The following CORO7 variants were observed in gnomAD, a reference collection of about 807,000 sequenced individuals.
The protein encoded by CORO7 is coronin 7.
A neutral mutation model predicts 126.6 loss-of-function variants in CORO7; 107 were observed. The observed-to-expected ratio is 0.85, with a 90% CI of 0.72 to 0.99. CORO7 has a LOEUF of 0.99. Ranked by LOEUF, CORO7 falls within the 50% of genes least tolerant of loss-of-function variation. The probability of loss-of-function intolerance (pLI) is 0.00; values close to 1 mark genes in which losing one functional copy is unlikely to be tolerated. For missense variants in CORO7, 1,314 were observed against 1,255.8 expected, an observed-to-expected ratio of 1.05 and a Z score of -0.70; for synonymous variants, 603 against 536.8, an observed-to-expected ratio of 1.12 and a Z score of -1.70.
At chr16:4,357,093 G>A in intron 26 of CORO7, 75 bp downstream of exon 26, 3 of 1,578,440 alleles carry the variant, frequency 1.9e-6, no homozygotes, top group South Asian at 2.2e-5. Flanking sequence ...GGTTGGGGAT[G>A]GAGAACTAAG....
At chr16:4,385,678 GCTGGC>G (rs2055171892) in intron 9 of CORO7, among the ~76,000 whole-genome samples, 1 of 152,120 alleles carries the variant, frequency 6.6e-6, no homozygotes, top group Non-Finnish European at 1.5e-5. Flanking sequence ...GGTGTTCGAG[GCTGGC>G]CTGGCTCCCA....
chr16:4,398,174 C>A (rs941006685), intron 6 of CORO7, among the ~76,000 whole-genome samples: 3 of 152,112 alleles, frequency 2.0e-5, no homozygotes, highest in African/African-American at 4.8e-5. Context: ...TCTGCCTCAG[C>A]CTCCCAAAGT....
At position 4,415,732 on chromosome 16, in the gene CORO7, G is replaced by A. The variant is rs1013103721; in HGVS notation, c.60+727C>T. The A allele has an allele frequency of 1.3e-5, 13 of 985,424 alleles. No individual in the cohort carries two copies. In the African/African-American group the frequency reaches 1.7e-4, roughly 13 times the overall value. 61.0% of individuals were successfully genotyped at this position (985,424 alleles called of 1,614,324 possible). ...GGCCTTACAAATAACACGGAAAGCG[G>A]AAGAGCAGAGCTGACATCGTTTCCA... On this transcript the variant is annotated intron_variant, in intron 1 of 27. Coordinates refer to ENST00000251166, the MANE Select transcript of CORO7 (RefSeq NM_024535.5).
At chr16:4,377,870 G>T (rs1450014147) in intron 9 of CORO7, among the ~76,000 whole-genome samples, 1 of 152,098 alleles carries the variant, frequency 6.6e-6, no homozygotes, top group Non-Finnish European at 1.5e-5. Context: ...CTGCTGGATG[G>T]TCAGCCCAGG....
Position 4,388,650 on chromosome 16 carries a change from G to A in CORO7, c.616-19C>T. 1.2e-6 allele frequency: 2 copies of A among 1,604,980 alleles called. No individual in the cohort carries two copies. The highest frequency in any genetic ancestry group is 1.7e-6 in the Non-Finnish European group (2 of 1,177,126). ...GCGTGCTCTGCAGGAGGCAAGAGGT[G>A]GACCTGAGCCCCCAGGGCCCTGCTG... On this transcript the variant is annotated intron_variant, in intron 7 of 27. Coordinates refer to ENST00000251166, the MANE Select transcript of CORO7 (RefSeq NM_024535.5).
At chr16:4,399,021 C>CT (rs2141293690) in intron 6 of CORO7, among the ~76,000 whole-genome samples, 1 of 151,962 alleles carries the variant, frequency 6.6e-6, no homozygotes, top group South Asian at 2.1e-4. Flanking sequence ...AGTTAGAACC[C>CT]TTGCACACTG....
intron 2 of CORO7, chr16:4,412,808 G>A (rs1423236131): frequency 1.7e-5 from 5 of 290,216 alleles, no homozygotes; most frequent in Non-Finnish European, 3.2e-5. Context: ...GGTCAGGGCC[G>A]ACAGTACATG....
intron 7 of CORO7, 36 bp from the exon 8 acceptor site, chr16:4,388,667 G>C: frequency 1.9e-6 from 3 of 1,592,832 alleles, no homozygotes; most frequent in Non-Finnish European, 2.6e-6. Flanking sequence ...AGCCCCCAGG[G>C]CCCTGCTGGT....
chr16:4,366,385 GGCCCCTCAGAGACCCCTGCACA>G (rs1290719248), intron 9 of CORO7, among the ~76,000 whole-genome samples: 1 of 152,078 alleles, frequency 6.6e-6, no homozygotes, highest in Non-Finnish European at 1.5e-5. Context: ...TCCCTCCCGG[GGCCCCTCAGAGACCCCTGCACA>G]GCCCCTCAGC....
intron 9 of CORO7, 97 bp from the exon 10 acceptor site, chr16:4,365,642 G>A (rs1265239711): frequency 6.7e-7 from 1 of 1,488,596 alleles, no homozygotes; most frequent in African/African-American, 1.4e-5. Context: ...CACAGTGACT[G>A]GGAGCCGCTT....
intron 24 of CORO7, 123 bp downstream of exon 24, chr16:4,358,244 G>C: frequency 6.6e-7 from 1 of 1,526,572 alleles, no homozygotes; most frequent in East Asian, 2.3e-5. Context: ...CTCAGCAGAA[G>C]GGGGTAGGTG....
intron 6 of CORO7, among the ~76,000 whole-genome samples, chr16:4,396,124 T>G (rs939960678): frequency 1.3e-5 from 2 of 152,096 alleles, no homozygotes. Context: ...CTGTCACCCA[T>G]GCTGGAGTGC....
chr16:4,377,628 C>T (rs1039673899), intron 9 of CORO7, among the ~76,000 whole-genome samples: 3 of 152,342 alleles, frequency 2.0e-5, no homozygotes, highest in Admixed American at 6.5e-5. Flanking sequence ...GTCCCCTCCA[C>T]AGTCAGCCTT....
chr16:4,362,007 C>G lies in CORO7; in HGVS notation c.1556G>C (p.Gly519Ala), dbSNP rs79399875. The G allele has an allele frequency of 2.8e-3, 4,502 of 1,610,558 alleles. 11 individuals carry two copies. The highest frequency in any genetic ancestry group is 3.5e-3 in the Non-Finnish European group (4,073 of 1,178,768). Reference sequence around the variant, plus strand: ...CACCTCAAGCACAGCCACCTGTCCCCCGCTGCTGAGCAGCGGCACGGCCAC... The same window carrying G: ...CACCTCAAGCACAGCCACCTGTCCCGCGCTGCTGAGCAGCGGCACGGCCAC... ...LRVAVPLLSS[G>A]GQVAVLELRK... The change falls in exon 16 of 28, where the codon GGG becomes GCG. Residue 519 changes from glycine to alanine, a missense_variant. Coordinates refer to ENST00000251166, the MANE Select transcript of CORO7 (RefSeq NM_024535.5). The surrounding 1 kb of genome is among the most constrained non-coding windows in gnomAD (Gnocchi z 5.3).
At chr16:4,371,044 C>G (rs1415898686) in intron 9 of CORO7, among the ~76,000 whole-genome samples, 15 of 152,230 alleles carry the variant, frequency 9.9e-5, no homozygotes, top group African/African-American at 3.6e-4. Flanking sequence ...GCACCCGCCC[C>G]TCCTGCCCAA....
Position 4,412,502 on chromosome 16 carries a change from G to C in CORO7, c.158-72C>G, listed in dbSNP as rs1318027635. On this transcript the variant is annotated intron_variant, in intron 2 of 27. Coordinates refer to ENST00000251166, the MANE Select transcript of CORO7 (RefSeq NM_024535.5). ...CCCACCTCCTTGCCCAGGGATCCCA[G>C]AGATGAAATCCAGCAGCTCAGCCTC... 2.6e-6 allele frequency: 4 copies of C among 1,544,866 alleles called. No individual in the cohort carries two copies. The African/African-American group carries it at 5.5e-5, about 21-fold the overall frequency.
At chr16:4,402,838 C>T (rs2055861040) in intron 6 of CORO7, among the ~76,000 whole-genome samples, 2 of 152,194 alleles carry the variant, frequency 1.3e-5, no homozygotes, top group South Asian at 4.1e-4. Flanking sequence ...GTGAGGAGAG[C>T]GCGCCCCCTA....
intron 9 of CORO7, among the ~76,000 whole-genome samples, chr16:4,372,919 G>A (rs759786539): frequency 2.0e-5 from 3 of 152,160 alleles, no homozygotes; most frequent in Non-Finnish European, 2.9e-5. Context: ...GAGAGGCAGC[G>A]GGACCTAGAG....
intron 9 of CORO7, among the ~76,000 whole-genome samples, chr16:4,375,894 G>A (rs1296646618): frequency 1.3e-5 from 2 of 152,320 alleles, no homozygotes; most frequent in East Asian, 1.9e-4. Context: ...AAGCCCTGGC[G>A]TCACAGGTGG....
Sources: allele counts gnomAD v4.1 joint callset (sites outside exome capture counted in the v4.1 genomes callset), GRCh38; gene constraint gnomAD v4.1.1; non-coding constraint Gnocchi (gnomAD v3.1); transcripts MANE v1.5; gene names NCBI Gene and HGNC (gene_info 2026-07-23, HGNC 2026-07-21).